Variants in GRAMD4 observed in about 807,000 individuals in gnomAD.
The protein encoded by GRAMD4 is GRAM domain-containing protein 4.
In GRAMD4, 25 loss-of-function variants were observed where a neutral mutation model predicts 83.9. The ratio of observed to expected loss-of-function variants is 0.30; its 90% CI spans 0.22 to 0.42. The LOEUF is 0.42. Among genes scored for constraint, GRAMD4 ranks in the 10% least tolerant of loss-of-function variants. The probability of loss-of-function intolerance (pLI) is 1.00; values close to 1 mark genes in which losing one functional copy is unlikely to be tolerated. For synonymous variants in GRAMD4, 336 were observed against 320.9 expected (o/e 1.05, Z -0.50); for missense variants, 593 against 788.7 (o/e 0.75, Z 2.97).
chr22:46,636,774 C>A (rs189647976), intron 2 of GRAMD4, among the ~76,000 whole-genome samples: 11 of 152,326 alleles, frequency 7.2e-5, no homozygotes, highest in African/African-American at 2.6e-4. Context: ...CTGGCTGTGC[C>A]GGGCATGGCC....
intron 15 of GRAMD4, 80 bp downstream of exon 15, chr22:46,673,894 G>C: frequency 6.7e-7 from 1 of 1,497,884 alleles, no homozygotes; most frequent in Non-Finnish European, 9.2e-7. Flanking sequence ...GTGGATGCAG[G>C]ACGGGGTCGC....
At chr22:46,666,540 C>T (rs1380582688) in intron 9 of GRAMD4, among the ~76,000 whole-genome samples, 1 of 151,944 alleles carries the variant, frequency 6.6e-6, no homozygotes, top group Non-Finnish European at 1.5e-5. Flanking sequence ...CTTGCTGATG[C>T]CACTTTGGAT....
At chr22:46,608,362 C>A (rs924037719) in intron 1 of GRAMD4, among the ~76,000 whole-genome samples, 4 of 152,182 alleles carry the variant, frequency 2.6e-5, no homozygotes, top group African/African-American at 9.7e-5. Context: ...GTGGACCTTG[C>A]GGGTTTTTGA....
At position 46,673,403 on chromosome 22, in the gene GRAMD4, G is replaced by A. The variant is rs2082543238; in HGVS notation, c.1240-267G>A. On this transcript the variant is annotated intron_variant, in intron 14 of 18. Transcript: ENST00000406902. ...ACAGGCCCTCCAGATGTGCAGCACA[G>A]CATCCCAGCCAGGACCACGGGGAAT... 2.0e-5 allele frequency among the ~76,000 whole-genome samples: 3 copies of A among 152,252 alleles called. No individual in the cohort carries two copies. The South Asian group carries it at 6.2e-4, about 32-fold the overall frequency.
chr22:46,668,015 G>A (rs2082436401), intron 10 of GRAMD4, 81 bp from the exon 11 acceptor site: 4 of 979,816 alleles, frequency 4.1e-6, no homozygotes, highest in African/African-American at 1.6e-5. Context: ...CTGGGGCTGG[G>A]AGGGCTCCAC....
chr22:46,645,698 A>G (rs1184883149), intron 3 of GRAMD4, among the ~76,000 whole-genome samples: 2 of 151,424 alleles, frequency 1.3e-5, no homozygotes, highest in African/African-American at 2.4e-5. Flanking sequence ...CTGCAAGCAA[A>G]TGACACAGGA....
chr22:46,633,814 G>A (rs1300486200), intron 2 of GRAMD4, among the ~76,000 whole-genome samples: 2 of 152,084 alleles, frequency 1.3e-5, no homozygotes, highest in Non-Finnish European at 2.9e-5. Flanking sequence ...GTGGGCTCCG[G>A]GGGTCCCGGC....
chr22:46,663,201 G>A, intron 6 of GRAMD4, 29 bp downstream of exon 6: 1 of 1,598,562 alleles, frequency 6.3e-7, no homozygotes, highest in Non-Finnish European at 8.5e-7. Context: ...GGGGCTGCCT[G>A]TGCGTTAGGG....
rs149872757 is a variant in GRAMD4, at chr22:46,621,153, A to C, written c.-50+588A>C. Among the ~76,000 whole-genome samples the C allele has an allele frequency of 6.6e-6, 1 of 152,140 alleles. No homozygotes were observed. The highest frequency in any genetic ancestry group is 6.5e-5 in the Admixed American group (1 of 15,274). On this transcript the variant is annotated intron_variant, in intron 1 of 18. Transcript: ENST00000406902. This position sits in a 1 kb window ranked among gnomAD's most constrained non-coding sequence, Gnocchi z 5.8. ...TTGGGGATGCGCGGCTGCAGCACGC[A>C]GGACGGAAGGTGCAGGTGAGACGCA...
In GRAMD4 at chr22:46,622,078, G is replaced by A. The variant is rs937203807; in HGVS notation, c.-50+1513G>A. On this transcript the variant is annotated intron_variant, in intron 1 of 18. Transcript: ENST00000406902. The surrounding 1 kb of genome is among the most constrained non-coding windows in gnomAD (Gnocchi z 4.0). ...GACTGAGGAGTAGCTGGACACTGGC[G>A]GGGCACGCATTGCATTCTGATGGTG... 2.0e-5 allele frequency among the ~76,000 whole-genome samples: 3 copies of A among 152,182 alleles called. No homozygotes were observed. The highest frequency in any genetic ancestry group is 7.2e-5 in the African/African-American group (3 of 41,432).
chr22:46,614,462 G>C (rs2081449586), intron 1 of GRAMD4, among the ~76,000 whole-genome samples: 1 of 152,228 alleles, frequency 6.6e-6, no homozygotes, highest in South Asian at 2.1e-4. Context: ...ACCTTATTCA[G>C]CAAGGACATT....
rs897327467 is a variant in GRAMD4, at chr22:46,678,730, C to T, written c.*1479C>T. 14 of 985,642 alleles carry T rather than the reference C, an allele frequency of 1.4e-5. No individual in the cohort carries two copies. Among genetic ancestry groups the T allele is most frequent in the East Asian group, 2.3e-4 (2 of 8,828 alleles). The allele number at this position is 985,642 out of a possible 1,614,324, so 61.1% of individuals were successfully genotyped here. On this transcript the variant is annotated 3_prime_UTR_variant, in exon 19 of 19. Coordinates refer to ENST00000406902, the MANE Select transcript of GRAMD4 (RefSeq NM_015124.5). Reference sequence around the variant, plus strand: ...TCAGATGTAATTTTTATCTTTGCTCCGATCCTCATTTGCTGGTGTGGGTGA... The same window carrying T: ...TCAGATGTAATTTTTATCTTTGCTCTGATCCTCATTTGCTGGTGTGGGTGA...
At chr22:46,665,032 C>T (rs2082387090) in intron 8 of GRAMD4, among the ~76,000 whole-genome samples, 1 of 152,224 alleles carries the variant, frequency 6.6e-6, no homozygotes, top group African/African-American at 2.4e-5. Context: ...CTTCTCCTGC[C>T]ACCCTCACAA....
At chr22:46,584,801 A>T (rs1157466677) in intron 1 of GRAMD4, among the ~76,000 whole-genome samples, 2 of 152,206 alleles carry the variant, frequency 1.3e-5, no homozygotes, top group Non-Finnish European at 2.9e-5. Flanking sequence ...CCCCGCAGGG[A>T]CGGGCACGGG....
intron 2 of GRAMD4, among the ~76,000 whole-genome samples, chr22:46,636,874 C>T (rs560011857): frequency 1.6e-4 from 24 of 152,346 alleles, no homozygotes; most frequent in African/African-American, 5.1e-4. Flanking sequence ...GCCTGTAACT[C>T]GAGCCCGTCC....
chr22:46,636,701 G>C (rs2081893865), intron 2 of GRAMD4, among the ~76,000 whole-genome samples: 1 of 152,254 alleles, frequency 6.6e-6, no homozygotes, highest in Non-Finnish European at 1.5e-5. Flanking sequence ...CCCTCACCAG[G>C]TCCCTGGCAG....
rs776890016 is a variant in GRAMD4 at position 46,678,468 on chromosome 22, C to T, written c.*1217C>T. The stretch of plus-strand genomic sequence containing the variant: ...AGGTGGCATTTGTGGAGGGAGCGCC[C>T]GCAGGCCTGGTCTGCTGGGGCCGCC... On this transcript the variant is annotated 3_prime_UTR_variant, in exon 19 of 19. Coordinates refer to ENST00000406902, the MANE Select transcript of GRAMD4 (RefSeq NM_015124.5). The T allele has an allele frequency of 8.3e-5, 82 of 985,290 alleles. No homozygotes were observed. The highest frequency in any genetic ancestry group is 2.3e-4 in the East Asian group (2 of 8,780). 61.0% of individuals were successfully genotyped at this position (985,290 alleles called of 1,614,324 possible).
intron 1 of GRAMD4, among the ~76,000 whole-genome samples, chr22:46,600,669 C>T (rs1398368549): frequency 6.6e-6 from 1 of 152,160 alleles, no homozygotes; most frequent in Non-Finnish European, 1.5e-5. Flanking sequence ...GGTCGCAGAG[C>T]CCCTTACAGC....
intron 1 of GRAMD4, among the ~76,000 whole-genome samples, chr22:46,588,492 C>T (rs2081173558): frequency 6.6e-6 from 1 of 152,196 alleles, no homozygotes; most frequent in Admixed American, 6.5e-5. Flanking sequence ...GGTCAAACCA[C>T]TACAGAGGGC....
Sources: allele counts gnomAD v4.1 joint callset (sites outside exome capture counted in the v4.1 genomes callset), GRCh38; gene constraint gnomAD v4.1.1; non-coding constraint Gnocchi (gnomAD v3.1); transcripts MANE v1.5; gene names NCBI Gene and HGNC (gene_info 2026-07-23, HGNC 2026-07-21).